SHROOM2: variants seen among roughly 807,000 people sequenced by gnomAD.
SHROOM2 encodes the protein protein Shroom2.
In SHROOM2, 33 loss-of-function variants were observed where a neutral mutation model predicts 75.9. That is an observed-to-expected ratio of 0.43 (90% CI 0.33 to 0.58). SHROOM2 has a LOEUF of 0.58. Ranked by LOEUF, SHROOM2 falls within the 20% of genes least tolerant of loss-of-function variation. The pLI is 0.04. For synonymous variants in SHROOM2, 655 were observed against 663.6 expected (o/e 0.99, Z 0.20); for missense variants, 1,434 against 1,461.2 (o/e 0.98, Z 0.30).
intron 1 of SHROOM2, among the ~76,000 whole-genome samples, chrX:9,799,287 C>T (rs1265131153): frequency 1.0e-5 from 1 of 99,383 alleles, no homozygotes; most frequent in African/African-American, 4.0e-5. Context: ...CGTGTCTTAA[C>T]CTCCTGAGTA....
intron 1 of SHROOM2, among the ~76,000 whole-genome samples, chrX:9,811,669 A>G (rs781452540): frequency 8.9e-6 from 1 of 112,194 alleles, no homozygotes; most frequent in South Asian, 3.7e-4. Flanking sequence ...TGCCCACTGG[A>G]AAGATTTCCC....
At chrX:9,912,896 G>T (rs1315015399) in intron 5 of SHROOM2, 1 of 111,996 alleles carries the variant, frequency 8.9e-6, no homozygotes, top group Non-Finnish European at 1.9e-5. Context: ...GCTCGCCGGT[G>T]CTGCATGTCC....
intron 1 of SHROOM2, among the ~76,000 whole-genome samples, chrX:9,842,420 C>T (rs1298449201): frequency 8.9e-6 from 1 of 112,566 alleles, no homozygotes; most frequent in Non-Finnish European, 1.9e-5. Flanking sequence ...TCTGAGACAT[C>T]CTCCTGTTGT....
rs138253951 is a variant in SHROOM2, at chrX:9,815,329, A to T, written c.165+28619A>T. ...AACTCCAGAAACCTCAACCCACAAA[A>T]GAACTTCATCCTTAATATTCTGTTC... On this transcript the variant is annotated intron_variant, in intron 1 of 9. Transcript: ENST00000380913. Among the ~76,000 whole-genome samples, 1,036 of 110,047 alleles carry T rather than the reference A, an allele frequency of 9.4e-3. 10 individuals carry two copies. The highest frequency in any genetic ancestry group is 0.033 in the African/African-American group (1,001 of 30,219).
chrX:9,842,074 C>G (rs1447452843), intron 1 of SHROOM2, among the ~76,000 whole-genome samples: 2 of 110,979 alleles, frequency 1.8e-5, no homozygotes, highest in African/African-American at 6.5e-5. Context: ...TAAAAACATC[C>G]TAATGATGTG....
intron 5 of SHROOM2, chrX:9,912,627 G>C (rs746820799): frequency 1.8e-5 from 2 of 111,624 alleles, no homozygotes; most frequent in Non-Finnish European, 3.8e-5. Flanking sequence ...GTTTGCTCTC[G>C]GGGCACTTCA....
intron 1 of SHROOM2, among the ~76,000 whole-genome samples, chrX:9,823,132 CCCTTCT>C (rs1164305106): frequency 5.4e-5 from 5 of 92,550 alleles, no homozygotes; most frequent in Admixed American, 3.6e-4. Context: ...TTCTCCTTCT[CCCTTCT>C]CCTTCTCCTT....
At position 9,949,254 on chromosome X, in the gene SHROOM2, G is replaced by A; in HGVS notation, c.*2317G>A. ...ATGGTTGGCCCTGGTGTTGTTGGGT[G>A]GCAGCTGCTCCTTCGCCCTCTTGTA... is the stretch of plus-strand genomic sequence containing the variant. On this transcript the variant is annotated 3_prime_UTR_variant, in exon 10 of 10. Coordinates refer to ENST00000380913, the MANE Select transcript of SHROOM2 (RefSeq NM_001649.4). 1 of 310,722 alleles carries A rather than the reference G, an allele frequency of 3.2e-6. No homozygotes were observed. The highest frequency in any genetic ancestry group is 6.2e-6 in the Non-Finnish European group (1 of 160,051). The allele number at this position is 310,722 out of a possible 1,213,427, so 25.6% of individuals were successfully genotyped here.
chrX:9,913,520 A>G (rs901797473), intron 5 of SHROOM2, among the ~76,000 whole-genome samples: 2 of 112,471 alleles, frequency 1.8e-5, no homozygotes, highest in Admixed American at 9.5e-5. Flanking sequence ...AATGGTTGGA[A>G]TGCCTTTGCT....
intron 1 of SHROOM2, among the ~76,000 whole-genome samples, chrX:9,873,238 C>T (rs1270742468): frequency 8.9e-6 from 1 of 112,164 alleles, no homozygotes; most frequent in African/African-American, 3.2e-5. Context: ...AAAAGCCATG[C>T]TTTATTTGAG....
intron 1 of SHROOM2, among the ~76,000 whole-genome samples, chrX:9,803,306 T>C (rs1157360056): frequency 9.0e-6 from 1 of 111,537 alleles, no homozygotes; most frequent in Non-Finnish European, 1.9e-5. Flanking sequence ...TCTTACTGTG[T>C]AAGCCACATG....
chrX:9,911,353 C>T (rs1242422792), intron 5 of SHROOM2, among the ~76,000 whole-genome samples: 9 of 111,297 alleles, frequency 8.1e-5, no homozygotes, highest in Admixed American at 2.9e-4. Flanking sequence ...GGTTAAGTGT[C>T]GATATGGGGG....
In SHROOM2 at chrX:9,819,201, C is replaced by A. The variant is rs182180146; in HGVS notation, c.165+32491C>A. 5.7e-5 allele frequency: 61 copies of A among 1,065,579 alleles called. 1 individual carries two copies. The Admixed American group carries it at 1.1e-3, about 19-fold the overall frequency. The allele number at this position is 1,065,579 out of a possible 1,213,427, so 87.8% of individuals were successfully genotyped here. A position where few individuals can be genotyped will look rare whatever the true frequency, so the allele number is the denominator to read the frequency against. The stretch of plus-strand genomic sequence containing the variant: ...ATGCATATCTGTTTCAGGATTCTCA[C>A]ATTCAGGACAGAGAACAAATTTTTT... On this transcript the variant is annotated intron_variant, in intron 1 of 9. Transcript: ENST00000380913.
At chrX:9,845,030 G>A (rs2083998839) in intron 1 of SHROOM2, among the ~76,000 whole-genome samples, 1 of 110,420 alleles carries the variant, frequency 9.1e-6, no homozygotes, top group African/African-American at 3.3e-5. Flanking sequence ...TTAGGAGCCC[G>A]TAAATGTTTT....
intron 2 of SHROOM2, among the ~76,000 whole-genome samples, chrX:9,875,113 G>GAAAAAAAAAA (rs2084193155): frequency 1.1e-4 from 4 of 35,470 alleles, no homozygotes; most frequent in Non-Finnish European, 3.5e-4. Context: ...AAAAAAAAGG[G>GAAAAAAAAAA]GAGGAAGGAA....
intron 5 of SHROOM2, among the ~76,000 whole-genome samples, chrX:9,927,558 C>A (rs946809021): frequency 2.7e-5 from 3 of 110,988 alleles, no homozygotes; most frequent in African/African-American, 9.8e-5. Context: ...AACATTCACA[C>A]ACAAGGTCCT....
intron 1 of SHROOM2, among the ~76,000 whole-genome samples, chrX:9,803,166 C>T (rs184681824): frequency 9.3e-4 from 98 of 105,353 alleles, no homozygotes; most frequent in African/African-American, 3.2e-3. Context: ...TCTTGAACTC[C>T]TGAGCTCAAG....
At chrX:9,890,343 G>A (rs1226268829) in intron 2 of SHROOM2, among the ~76,000 whole-genome samples, 1 of 112,683 alleles carries the variant, frequency 8.9e-6, no homozygotes, top group Non-Finnish European at 1.9e-5. Flanking sequence ...CTCCAGCCTG[G>A]GCAACAAAGT....
chrX:9,938,560 A>T (rs768815392), intron 7 of SHROOM2, among the ~76,000 whole-genome samples: 1 of 112,246 alleles, frequency 8.9e-6, no homozygotes, highest in Non-Finnish European at 1.9e-5. Flanking sequence ...CTCTTGAAAT[A>T]GAAATGAAAA....
Sources: allele counts gnomAD v4.1 joint callset (sites outside exome capture counted in the v4.1 genomes callset), GRCh38; gene constraint gnomAD v4.1.1; transcripts MANE v1.5; gene names NCBI Gene and HGNC (gene_info 2026-07-23, HGNC 2026-07-21).